Variants in COL20A1 observed in about 807,000 individuals in gnomAD.
COL20A1 encodes collagen type XX alpha 1 chain.
Under a neutral mutation model 152.9 loss-of-function variants are expected in COL20A1, and 164 were observed. That is an observed-to-expected ratio of 1.07 (90% CI 0.94 to 1.22). The LOEUF (loss-of-function observed/expected upper bound fraction) is 1.22, where lower values mean the gene tolerates loss of function less well. Ranked by LOEUF, COL20A1 falls within the 50% of genes most tolerant of loss-of-function variation. COL20A1 has a pLI of 0.00. For missense variants in COL20A1, 1,873 were observed against 1,744.8 expected (o/e 1.07, Z -1.31); for synonymous variants, 864 against 756.0 (o/e 1.14, Z -2.34).
chr20:63,311,821 G>A lies in COL20A1; in HGVS notation c.1663+73G>A. Reference sequence around the variant, plus strand: ...TTGTTCCTCAGCCTTCCATGGCATGGGAGACCTCAGGCCCCCTCGGTCCCA... The same window carrying A: ...TTGTTCCTCAGCCTTCCATGGCATGAGAGACCTCAGGCCCCCTCGGTCCCA... On this transcript the variant is annotated intron_variant, in intron 13 of 35. Transcript: ENST00000358894. This position sits in a 1 kb window ranked among gnomAD's most constrained non-coding sequence, Gnocchi z 4.4. 6.5e-7 allele frequency: 1 copy of A among 1,528,914 alleles called. No individual in the cohort carries two copies. The highest frequency in any genetic ancestry group is 1.9e-5 in the Admixed American group (1 of 51,288). 94.7% of individuals were successfully genotyped at this position (1,528,914 alleles called of 1,614,324 possible).
rs556967721 is a variant in COL20A1, at chr20:63,304,791, G to A, written c.194-626G>A. On this transcript the variant is annotated intron_variant, in intron 3 of 35. Coordinates refer to ENST00000358894, the MANE Select transcript of COL20A1 (RefSeq NM_020882.4). ...CCTTTTCTCCCTTGCCTTAGCACTT[G>A]AGACCCAGAGAATCACCCAGTGCTC... Among the ~76,000 whole-genome samples, 11 of 151,966 alleles carry A rather than the reference G, an allele frequency of 7.2e-5. No homozygotes were observed. The East Asian group carries it at 2.1e-3, about 29-fold the overall frequency.
At chr20:63,315,043 A>C (rs1003546783) in intron 19 of COL20A1, among the ~76,000 whole-genome samples, 1 of 146,324 alleles carries the variant, frequency 6.8e-6, no homozygotes, top group East Asian at 2.0e-4. Context: ...CAGCCTGCCC[A>C]CACACCAGGC....
At position 63,304,739 on chromosome 20, in the gene COL20A1, C is replaced by T. The variant is rs1302734282; in HGVS notation, c.194-678C>T. Among the ~76,000 whole-genome samples the T allele has an allele frequency of 6.6e-5, 10 of 152,006 alleles. No homozygotes were observed. In the East Asian group the frequency reaches 1.9e-3, roughly 29 times the overall value. ...TGGGTTCCTCCCTCCCTCCCTCCCT[C>T]GAGGTGTGCAAGTGTGGATTTCTTG... On this transcript the variant is annotated intron_variant, in intron 3 of 35. Transcript: ENST00000358894.
chr20:63,309,933 C>T lies in COL20A1; in HGVS notation c.1263+18C>T, dbSNP rs779928552. 6 of 1,569,702 alleles carry T rather than the reference C, an allele frequency of 3.8e-6. No individual in the cohort carries two copies. In the East Asian group the frequency reaches 9.1e-5, roughly 24 times the overall value. On this transcript the variant is annotated intron_variant, in intron 10 of 35. Transcript: ENST00000358894. ...CCAGGGAGGTGAGGGGGCCGGTATA[C>T]AGGGCTCCCCGAGCCGGTCCTCAGC...
intron 10 of COL20A1, 30 bp downstream of exon 10, chr20:63,309,945 A>C: frequency 6.4e-7 from 1 of 1,562,722 alleles, no homozygotes; most frequent in South Asian, 1.2e-5. Flanking sequence ...GGGCTCCCCG[A>C]GCCGGTCCTC....
intron 3 of COL20A1, among the ~76,000 whole-genome samples, chr20:63,301,066 G>C (rs1297145503): frequency 1.3e-5 from 2 of 152,196 alleles, no homozygotes; most frequent in East Asian, 3.8e-4. Context: ...TATAATCCCA[G>C]CTCTTTGGGA....
intron 21 of COL20A1, among the ~76,000 whole-genome samples, chr20:63,317,599 GT>G (rs888075106): frequency 2.0e-5 from 3 of 151,908 alleles, no homozygotes; most frequent in African/African-American, 4.8e-5. Flanking sequence ...CTCCCAGCCT[GT>G]TTTGTCCCCA....
At position 63,295,160 on chromosome 20, in the gene COL20A1, G is replaced by T. The variant is rs1186121685; in HGVS notation, c.53G>T (p.Gly18Val). 1.9e-6 allele frequency: 3 copies of T among 1,555,520 alleles called. No individual in the cohort carries two copies. In the Admixed American group the frequency reaches 5.8e-5, roughly 30 times the overall value. The change falls in exon 2 of 36, where the codon GGC (glycine) becomes GTC (valine). Residue 18 changes from glycine (G) to valine (V), a missense_variant. By Grantham distance (109) the Gly-to-Val change is moderately radical. Transcript: ENST00000358894. ...GGCCTCTGCCTCTGGCTGTGGCTGGGCGCCACCCTGGGAAGAGAGCAAGTT... is the reference window on the plus strand; with the variant it reads ...GGCCTCTGCCTCTGGCTGTGGCTGGTCGCCACCCTGGGAAGAGAGCAAGTT... ...HLGLCLWLWL[G>V]ATLGREQVQA...
chr20:63,324,991 A>G, intron 27 of COL20A1: 1 of 290,872 alleles, frequency 3.4e-6, no homozygotes, highest in Admixed American at 5.0e-5. Flanking sequence ...AGAGTTGGGC[A>G]GGGGAGGGCT....
chr20:63,304,110 G>C (rs1601407681), intron 3 of COL20A1, among the ~76,000 whole-genome samples: 1 of 145,204 alleles, frequency 6.9e-6, no homozygotes, highest in Non-Finnish European at 1.5e-5. Context: ...CAGGTGTGCA[G>C]GTGTGGGTTC....
chr20:63,308,068 C>G lies in COL20A1; in HGVS notation c.753C>G (p.Tyr251Ter), dbSNP rs748199598. 2.5e-6 allele frequency: 4 copies of G among 1,612,354 alleles called. No individual in the cohort carries two copies. The highest frequency in any genetic ancestry group is 3.4e-6 in the Non-Finnish European group (4 of 1,179,770). ...QVLAAVRRLR[Y>*]KGGNTFTGLA... ...TGGCAGCTGTGCGCCGCCTCCGCTA[C>G]AAGGGGGGGAACACGTTCACAGGTA... The change falls in exon 7 of 36, where the codon TAC (tyrosine) becomes TAG (stop). Residue 251 changes from tyrosine to a stop codon, truncating the protein, a stop_gained. Coordinates refer to ENST00000358894, the MANE Select transcript of COL20A1 (RefSeq NM_020882.4). LOFTEE classifies it high-confidence loss of function.
At position 63,322,115 on chromosome 20, in the gene COL20A1, A is replaced by AGTT; in HGVS notation, c.3294+5_3294+7dup. 6.7e-7 allele frequency: 1 copy of AGTT among 1,496,938 alleles called. No homozygotes were observed. The highest frequency in any genetic ancestry group is 8.9e-7 in the Non-Finnish European group (1 of 1,127,434). The allele number at this position is 1,496,938 out of a possible 1,614,324, so 92.7% of individuals were successfully genotyped here. A position where few individuals can be genotyped will look rare whatever the true frequency, so the allele number is the denominator to read the frequency against. On this transcript the variant is annotated splice_donor_region_variant and intron_variant, in intron 27 of 35. Transcript: ENST00000358894. Reference sequence around the variant, plus strand: ...GCAGGGCTTCCCAGGGCCCAGGGTAAGTTTTGGGGAGCCCTGGGAGGTGAG... The same window carrying AGTT: ...GCAGGGCTTCCCAGGGCCCAGGGTAAGTTGTTTTGGGGAGCCCTGGGAGGTGAG...
At position 63,319,226 on chromosome 20, in the gene COL20A1, A is replaced by G. The variant is rs756398077; in HGVS notation, c.2806+26A>G. The G allele has an allele frequency of 6.2e-6, 10 of 1,604,174 alleles. No individual in the cohort carries two copies. The highest frequency in any genetic ancestry group is 2.2e-5 in the East Asian group (1 of 44,464). ...GTGACGTGGGCCCCGCGTCGCCCCCAGCAGTCAGGAGGAGTAGGGGCAGGG... is the reference window on the plus strand; with the variant it reads ...GTGACGTGGGCCCCGCGTCGCCCCCGGCAGTCAGGAGGAGTAGGGGCAGGG... On this transcript the variant is annotated intron_variant, in intron 22 of 35. Coordinates refer to ENST00000358894, the MANE Select transcript of COL20A1 (RefSeq NM_020882.4). This position sits in a 1 kb window ranked among gnomAD's most constrained non-coding sequence, Gnocchi z 4.4.
chr20:63,309,260 G>A (rs2067970656), intron 8 of COL20A1, 73 bp from the exon 9 acceptor site: 1 of 1,226,394 alleles, frequency 8.2e-7, no homozygotes, highest in Admixed American at 3.4e-5. Flanking sequence ...AGTCTCCATG[G>A]AGACCCCCAC....
In COL20A1 at chr20:63,313,343, A is replaced by G; in HGVS notation, c.2209+94A>G. ...CCGCTGCACAGGCCCAGGACCCTAG[A>G]CTCCCAGAACTGCTGGCTCCAGAGC... On this transcript the variant is annotated intron_variant, in intron 17 of 35. Transcript: ENST00000358894. The surrounding 1 kb of genome is among the most constrained non-coding windows in gnomAD (Gnocchi z 5.9). 2 of 1,334,950 alleles carry G rather than the reference A, an allele frequency of 1.5e-6. No homozygotes were observed. Among genetic ancestry groups the G allele is most frequent in the Non-Finnish European group, 2.0e-6 (2 of 981,788 alleles). 82.7% of individuals were successfully genotyped at this position (1,334,950 alleles called of 1,614,324 possible). A position where few individuals can be genotyped will look rare whatever the true frequency, so the allele number is the denominator to read the frequency against.
rs751640210 is a variant in COL20A1, at chr20:63,327,963, G to C, written c.3540G>C (p.Gly1180=). Reference sequence around the variant, plus strand: ...CCCCTCCTCATCAGGGACTGCCAGGGCCCAAAGGGGAACGAGGAGAGAAGG... The same window carrying C: ...CCCCTCCTCATCAGGGACTGCCAGGCCCCAAAGGGGAACGAGGAGAGAAGG... The part of the protein sequence containing the change: ...PGTVGPTGLP[G]PKGERGEKGE... Residue 1180 remains glycine, a synonymous_variant, in exon 32 of 36, where the codon GGG becomes GGC. Transcript: ENST00000358894. 6.2e-7 allele frequency: 1 copy of C among 1,603,626 alleles called. No individual in the cohort carries two copies. Among genetic ancestry groups the C allele is most frequent in the South Asian group, 1.1e-5 (1 of 89,160 alleles).
Position 63,313,715 on chromosome 20 carries a change from GCCCCACA to G in COL20A1, c.2210-26_2210-20del, listed in dbSNP as rs2068046668. 6.5e-7 allele frequency: 1 copy of G among 1,546,902 alleles called. No individual in the cohort carries two copies. The highest frequency in any genetic ancestry group is 8.7e-7 in the Non-Finnish European group (1 of 1,150,562). ...GTGCCTCCTTTCTGGAGGGGCCTGA[GCCCCACA>G]CAACCCATGCTCTCGGCCAGCCACG... On this transcript the variant is annotated intron_variant, in intron 17 of 35. Transcript: ENST00000358894. The surrounding 1 kb of genome is among the most constrained non-coding windows in gnomAD (Gnocchi z 5.9).
chr20:63,328,114 T>C lies in COL20A1; in HGVS notation c.3600T>C (p.Leu1200=). 6.2e-7 allele frequency: 1 copy of C among 1,613,176 alleles called. No homozygotes were observed. The highest frequency in any genetic ancestry group is 1.1e-5 in the South Asian group (1 of 91,008). ...AGTCCCTTGCCACCCTCTACCAGCT[T>C]GTGAGCCAGGCCTGTGAGTCTGCCA... ...EPQSLATLYQ[L]VSQASHVSKF... The change falls in exon 33 of 36, where the codon CTT becomes CTC. Residue 1200 remains leucine, a synonymous_variant. Coordinates refer to ENST00000358894, the MANE Select transcript of COL20A1 (RefSeq NM_020882.4).
chr20:63,310,465 T>A lies in COL20A1; in HGVS notation c.1348T>A (p.Tyr450Asn), dbSNP rs2067990914. The change falls in exon 11 of 36, where the codon TAT (tyrosine) becomes AAT (asparagine). Residue 450 changes from tyrosine (Y) to asparagine (N), a missense_variant. Transcript: ENST00000358894. ...GTACCTGGTCTCCGTGTTCCCCATCTATGAGGGCGGGGTTGGCGAAGGCCT... is the reference window on the plus strand; with the variant it reads ...GTACCTGGTCTCCGTGTTCCCCATCAATGAGGGCGGGGTTGGCGAAGGCCT... Reference protein sequence around the residue: ...TEYLVSVFPIYEGGVGEGLRG... With the variant: ...TEYLVSVFPINEGGVGEGLRG... 1 of 1,608,654 alleles carries A rather than the reference T, an allele frequency of 6.2e-7. No homozygotes were observed. Among genetic ancestry groups the A allele is most frequent in the Admixed American group, 1.7e-5 (1 of 59,550 alleles).
Sources: gnomAD v4.1 joint callset for allele counts (sites outside exome capture counted in the v4.1 genomes callset) on GRCh38, gnomAD v4.1.1 for gene constraint, Gnocchi (gnomAD v3.1) non-coding constraint, MANE v1.5 for transcripts, NCBI Gene and HGNC (gene_info 2026-07-23, HGNC 2026-07-21) for gene names.